Variants in TPO observed in about 807,000 individuals in gnomAD.
TPO encodes the protein thyroid microsomal antigen.
A neutral mutation model predicts 96.9 loss-of-function variants in TPO; 78 were observed. The ratio of observed to expected loss-of-function variants is 0.81; its 90% CI spans 0.67 to 0.97. The LOEUF (loss-of-function observed/expected upper bound fraction) is 0.97. Ranked by LOEUF, TPO falls within the 50% of genes least tolerant of loss-of-function variation. TPO has a pLI of 0.00. For missense variants in TPO, 1,252 were observed against 1,274.8 expected (o/e 0.98, Z 0.27); for synonymous variants, 547 against 538.0 (o/e 1.02, Z -0.23).
intron 8 of TPO, among the ~76,000 whole-genome samples, chr2:1,484,066 T>C (rs1202199628): frequency 6.6e-6 from 1 of 152,192 alleles, no homozygotes; most frequent in African/African-American, 2.4e-5. Flanking sequence ...AAAGAAACAC[T>C]GTTAAACCTG....
At chr2:1,428,561 C>T (rs769497759) in intron 3 of TPO, among the ~76,000 whole-genome samples, 1 of 152,146 alleles carries the variant, frequency 6.6e-6, no homozygotes, top group Admixed American at 6.5e-5. Context: ...GCTTTCCTGA[C>T]GTACCCCTTT....
intron 10 of TPO, among the ~76,000 whole-genome samples, chr2:1,488,828 A>G (rs918462056): frequency 5.9e-5 from 9 of 151,882 alleles, no homozygotes; most frequent in African/African-American, 2.2e-4. Context: ...TGTCTTCCTC[A>G]CCAGTGGCAT....
At chr2:1,462,062 C>T (rs537262782) in intron 7 of TPO, among the ~76,000 whole-genome samples, 13 of 152,160 alleles carry the variant, frequency 8.5e-5, no homozygotes, top group Non-Finnish European at 1.6e-4. Flanking sequence ...CCCCAGGTAC[C>T]GTCTCTCTGC....
chr2:1,487,375 T>C (rs1013075377), intron 9 of TPO, among the ~76,000 whole-genome samples: 1 of 152,322 alleles, frequency 6.6e-6, no homozygotes, highest in Admixed American at 6.5e-5. Flanking sequence ...CCTGAGGACA[T>C]TCAGGAAACT....
At chr2:1,507,851 C>G (rs1379658944) in intron 14 of TPO, among the ~76,000 whole-genome samples, 1 of 152,106 alleles carries the variant, frequency 6.6e-6, no homozygotes, top group Non-Finnish European at 1.5e-5. Flanking sequence ...TTGACTTCCT[C>G]TTTTCCTAAT....
rs561777037 is a variant in TPO, at chr2:1,504,166, A to G, written c.2518+87A>G. On this transcript the variant is annotated intron_variant, in intron 14 of 16. Coordinates refer to ENST00000329066, the MANE Select transcript of TPO (RefSeq NM_001206744.2). ...GTGTGTTCAAGTTAGGCAACTGTCA[A>G]TCACCATCTTGATTGGGAAGGGCGG... 3.6e-5 allele frequency: 58 copies of G among 1,600,158 alleles called. No homozygotes were observed. The Middle Eastern group carries it at 5.0e-4, about 14-fold the overall frequency.
Position 1,540,665 on chromosome 2 carries a change from GA to G in TPO, c.2693del (p.Lys898SerfsTer5), listed in dbSNP as rs1306545772. 1.2e-6 allele frequency: 2 copies of G among 1,613,518 alleles called. No individual in the cohort carries two copies. The highest frequency in any genetic ancestry group is 1.7e-6 in the Non-Finnish European group (2 of 1,180,042). Reference sequence around the variant, plus strand: ...GGAGGAACTCCCGAGCTGAGATGCGGAAAGCACCAGGCCGTAGGGACCTCAC... The same window carrying G: ...GGAGGAACTCCCGAGCTGAGATGCGGAAGCACCAGGCCGTAGGGACCTCAC... ...TGGGTPELRC[G>X]KHQAVGTSPQ... is the part of the protein sequence containing the mutation. On this transcript the variant is annotated frameshift_variant, in exon 16 of 17. Transcript: ENST00000329066. LOFTEE classifies it high-confidence loss of function.
chr2:1,474,050 C>G (rs895715013), intron 7 of TPO, among the ~76,000 whole-genome samples: 1 of 151,968 alleles, frequency 6.6e-6, no homozygotes, highest in Non-Finnish European at 1.5e-5. Flanking sequence ...TACTAAGTAC[C>G]AACAATGATA....
At position 1,511,488 on chromosome 2, in the gene TPO, G is replaced by A. The variant is rs12616672; in HGVS notation, c.2519-5395G>A. ...CCCTGCAGACTGGGGGTGCCACAGC[G>A]CAGCCCTGCAGACTGGGGGTGCCAC... On this transcript the variant is annotated intron_variant, in intron 14 of 16. Coordinates refer to ENST00000329066, the MANE Select transcript of TPO (RefSeq NM_001206744.2). Among the ~76,000 whole-genome samples the A allele has an allele frequency of 1.1e-4, 11 of 95,822 alleles. 1 individual carries two copies. The highest frequency in any genetic ancestry group is 8.2e-4 in the East Asian group (2 of 2,434). The allele number at this position is 95,822 out of a possible 152,430, so 62.9% of individuals were successfully genotyped here.
chr2:1,481,602 G>C (rs1670647171), intron 8 of TPO, among the ~76,000 whole-genome samples: 2 of 152,158 alleles, frequency 1.3e-5, no homozygotes, highest in African/African-American at 4.8e-5. Flanking sequence ...CTCGGGGCAG[G>C]GGCTGCATCC....
chr2:1,522,959 CCCA>C (rs1675507672), intron 15 of TPO, among the ~76,000 whole-genome samples: 1 of 150,550 alleles, frequency 6.6e-6, no homozygotes, highest in Admixed American at 6.6e-5. Flanking sequence ...CCAAATTCCC[CCCA>C]CTGTGTGCAA....
chr2:1,428,262 G>T (rs896487795), intron 3 of TPO, among the ~76,000 whole-genome samples: 1 of 152,190 alleles, frequency 6.6e-6, no homozygotes, highest in Non-Finnish European at 1.5e-5. Context: ...CATGGCTGGG[G>T]CCCCTGGGAA....
chr2:1,534,551 CTACCACTCTGTGCAACTTCCCCAAATCCG>C (rs1558433270), intron 15 of TPO, among the ~76,000 whole-genome samples: 7,928 of 112,826 alleles, frequency 0.07, 617 homozygotes, highest in South Asian at 0.098. Flanking sequence ...CCCCAAATCC[CTACCACTCTGTGCAACTTCCCCAAATCCG>C]CCCACACTGT....
At chr2:1,380,594 A>T (rs1661795701) in intron 1 of TPO, among the ~76,000 whole-genome samples, 2 of 152,034 alleles carry the variant, frequency 1.3e-5, no homozygotes, top group Admixed American at 6.6e-5. Context: ...CCAGTTTTAC[A>T]CTCCCCAGTT....
chr2:1,537,476 T>TGTGTGCCACCTCCCCAAATC (rs1558441419), intron 15 of TPO, among the ~76,000 whole-genome samples: 1 of 27,524 alleles, frequency 3.6e-5, no homozygotes, highest in Non-Finnish European at 6.1e-5. Context: ...CTCCTCAAAT[T>TGTGTGCCACCTCCCCAAATC]CTTCCACTCT....
At chr2:1,493,648 T>C (rs1400376983) in intron 10 of TPO, among the ~76,000 whole-genome samples, 154 bp from the exon 11 acceptor site, 16 of 146,050 alleles carry the variant, frequency 1.1e-4, no homozygotes, top group African/African-American at 4.0e-4. Context: ...GGAGCTGGAA[T>C]ATCCTAGCCT....
chr2:1,446,492 C>A (rs1462811322), intron 5 of TPO, among the ~76,000 whole-genome samples: 5 of 152,172 alleles, frequency 3.3e-5, no homozygotes, highest in Admixed American at 3.3e-4. Context: ...CATTTTGGCC[C>A]TTCTTGAGGG....
At chr2:1,433,677 G>A (rs1362588966) in intron 4 of TPO, 70 bp downstream of exon 4, 4 of 1,559,294 alleles carry the variant, frequency 2.6e-6, no homozygotes. Context: ...TTTGTGCAGG[G>A]GCTGCTTGCT....
At chr2:1,508,169 T>A (rs1278658102) in intron 14 of TPO, among the ~76,000 whole-genome samples, 12 of 152,150 alleles carry the variant, frequency 7.9e-5, no homozygotes, top group African/African-American at 2.7e-4. Context: ...TTGATTCTGT[T>A]TATATGCTGG....
Sources: gnomAD v4.1 joint callset for allele counts (sites outside exome capture counted in the v4.1 genomes callset) on GRCh38, gnomAD v4.1.1 for gene constraint, MANE v1.5 for transcripts, NCBI Gene and HGNC (gene_info 2026-07-23, HGNC 2026-07-21) for gene names.